The following ADAMTSL1 variants were observed in gnomAD, a reference collection of about 807,000 sequenced individuals.
ADAMTSL1 encodes ADAMTS-like protein 1.
A neutral mutation model predicts 201.8 loss-of-function variants in ADAMTSL1; 126 were observed. The ratio of observed to expected loss-of-function variants is 0.62; its 90% confidence interval spans 0.54 to 0.72. ADAMTSL1 has a LOEUF of 0.72. Ranked by LOEUF, ADAMTSL1 falls within the 30% of genes least tolerant of loss-of-function variation. The probability of loss-of-function intolerance (pLI) is 0.00; values close to 1 mark genes in which losing one functional copy is unlikely to be tolerated. For synonymous variants in ADAMTSL1, 1,121 were observed against 903.4 expected, an observed-to-expected ratio of 1.24 and a Z score of -4.32; for missense variants, 2,679 against 2,277.8, an observed-to-expected ratio of 1.18 and a Z score of -3.59.
intron 2 of ADAMTSL1, among the ~76,000 whole-genome samples, chr9:18,213,708 C>G (rs1313998323): frequency 1.3e-4 from 20 of 152,048 alleles, no homozygotes; most frequent in Admixed American, 1.3e-3. Context: ...GAAGTTGTAC[C>G]TGAGAGATCT....
chr9:18,907,618 C>G (rs1290805684), intron 28 of ADAMTSL1: 1 of 152,462 alleles, frequency 6.6e-6, no homozygotes, highest in Non-Finnish European at 1.5e-5. Context: ...TTCTCCCCAA[C>G]TGGGCCTCAC....
In ADAMTSL1 at chr9:18,847,219, G is replaced by A. The variant is rs1407436053; in HGVS notation, c.4249+17242G>A. 2.0e-5 allele frequency among the ~76,000 whole-genome samples: 3 copies of A among 152,216 alleles called. No homozygotes were observed. The East Asian group carries it at 5.8e-4, about 30-fold the overall frequency. On this transcript the variant is annotated intron_variant, in intron 23 of 28. Coordinates refer to ENST00000380548, the MANE Select transcript of ADAMTSL1 (RefSeq NM_001040272.6). ...CAGGAAATCAAAAGGAACAGGAGTG[G>A]GGACTGCTTTCTTTGATGAAAGGGT...
intron 16 of ADAMTSL1, among the ~76,000 whole-genome samples, chr9:18,765,938 A>G (rs1820330243): frequency 6.6e-6 from 1 of 152,206 alleles, no homozygotes. Flanking sequence ...AACCTGGATT[A>G]TTCAAGAGAC....
chr9:17,963,817 A>G (rs564795249), intron 1 of ADAMTSL1, among the ~76,000 whole-genome samples: 3 of 152,094 alleles, frequency 2.0e-5, no homozygotes, highest in Non-Finnish European at 4.4e-5. Flanking sequence ...GGAAGAAAAG[A>G]ATTCTAACCC....
chr9:18,142,098 G>A (rs923098734), intron 1 of ADAMTSL1, among the ~76,000 whole-genome samples: 1 of 152,152 alleles, frequency 6.6e-6, no homozygotes, highest in African/African-American at 2.4e-5. Flanking sequence ...ACTGAGGAAT[G>A]TTCCAATAGC....
intron 14 of ADAMTSL1, among the ~76,000 whole-genome samples, chr9:18,719,913 A>C (rs1833231222): frequency 6.6e-6 from 1 of 152,218 alleles, no homozygotes; most frequent in Non-Finnish European, 1.5e-5. Context: ...GAAGCAATGC[A>C]GAAAATAAAG....
chr9:18,907,182 C>A (rs1458090656), intron 28 of ADAMTSL1: 3 of 471,890 alleles, frequency 6.4e-6, no homozygotes, highest in Non-Finnish European at 1.1e-5. Context: ...TGGAGGAAAT[C>A]AGCCTCCAGT....
chr9:17,983,107 G>A (rs1368285612), intron 1 of ADAMTSL1, among the ~76,000 whole-genome samples: 1 of 103,364 alleles, frequency 9.7e-6, no homozygotes, highest in Non-Finnish European at 1.8e-5. Context: ...ATCTTGCTCT[G>A]TCACCAGGCT....
At chr9:18,591,000 C>T (rs754232937) in intron 4 of ADAMTSL1, among the ~76,000 whole-genome samples, 5 of 152,072 alleles carry the variant, frequency 3.3e-5, no homozygotes, top group Admixed American at 6.5e-5. Flanking sequence ...AGTATGTATT[C>T]TGTAGCAGTT....
At chr9:17,987,585 G>A (rs905685052) in intron 1 of ADAMTSL1, among the ~76,000 whole-genome samples, 50 of 152,038 alleles carry the variant, frequency 3.3e-4, no homozygotes, top group African/African-American at 1.2e-3. Flanking sequence ...TTTTAAAAGG[G>A]CTGGGCAGGG....
intron 15 of ADAMTSL1, chr9:18,722,960 A>T (rs1203693746): frequency 2.6e-6 from 2 of 757,386 alleles, no homozygotes; most frequent in African/African-American, 3.4e-5. Flanking sequence ...TTGAGCCTAA[A>T]TGTGTGGGCA....
intron 1 of ADAMTSL1, among the ~76,000 whole-genome samples, chr9:18,027,738 T>A (rs1259141040): frequency 1.3e-5 from 2 of 152,102 alleles, no homozygotes; most frequent in Non-Finnish European, 2.9e-5. Flanking sequence ...GTGAAATTGG[T>A]CAAGTATAGA....
At chr9:17,958,620 G>C (rs551227287) in intron 1 of ADAMTSL1, among the ~76,000 whole-genome samples, 1 of 152,140 alleles carries the variant, frequency 6.6e-6, no homozygotes, top group South Asian at 2.1e-4. Context: ...CATTTCTATG[G>C]CATGGTGTGC....
chr9:17,993,239 T>C (rs1051412408), intron 1 of ADAMTSL1, among the ~76,000 whole-genome samples: 2 of 152,210 alleles, frequency 1.3e-5, no homozygotes, highest in Non-Finnish European at 2.9e-5. Context: ...AGCACACATC[T>C]GGCCTTTTAT....
intron 2 of ADAMTSL1, among the ~76,000 whole-genome samples, chr9:18,253,385 T>C (rs1435184186): frequency 4.6e-5 from 7 of 152,206 alleles, no homozygotes; most frequent in Admixed American, 4.6e-4. Context: ...TATATTAGTT[T>C]AGTGCTAAAA....
intron 1 of ADAMTSL1, among the ~76,000 whole-genome samples, chr9:18,043,358 A>C (rs1354718417): frequency 1.3e-5 from 2 of 152,238 alleles, no homozygotes; most frequent in African/African-American, 4.8e-5. Context: ...TTTCCTTAAA[A>C]AATTTTTTGG....
chr9:18,382,616 A>G (rs1312884118), intron 2 of ADAMTSL1, among the ~76,000 whole-genome samples: 2 of 152,124 alleles, frequency 1.3e-5, no homozygotes, highest in Non-Finnish European at 2.9e-5. Context: ...AGAGAAACAA[A>G]GGAGCCATAA....
chr9:18,200,261 C>T (rs542595914), intron 2 of ADAMTSL1, among the ~76,000 whole-genome samples: 1 of 151,622 alleles, frequency 6.6e-6, no homozygotes, highest in Non-Finnish European at 1.5e-5. Context: ...TAGCGAGACA[C>T]TATCTCTATT....
At chr9:18,805,950 A>C (rs76049047) in intron 20 of ADAMTSL1, among the ~76,000 whole-genome samples, 1 of 152,090 alleles carries the variant, frequency 6.6e-6, no homozygotes, top group Non-Finnish European at 1.5e-5. Context: ...GTCTCTCTTC[A>C]CCCTGAGAAT....
Sources: allele counts gnomAD v4.1 joint callset (sites outside exome capture counted in the v4.1 genomes callset), GRCh38; gene constraint gnomAD v4.1.1; transcripts MANE v1.5; gene names NCBI Gene and HGNC (gene_info 2026-07-23, HGNC 2026-07-21).